The following ST8SIA4 variants were observed in gnomAD, a reference collection of about 807,000 sequenced individuals.
ST8SIA4 encodes ST8 alpha-N-acetyl-neuraminide alpha-2,8-sialyltransferase 4.
A neutral mutation model predicts 33.9 loss-of-function variants in ST8SIA4; 15 were observed. That is an observed-to-expected ratio of 0.44 (90% CI 0.30 to 0.68). ST8SIA4 has a LOEUF of 0.68. Ranked by LOEUF, ST8SIA4 falls within the 30% of genes least tolerant of loss-of-function variation. The pLI is 0.10. For synonymous variants in ST8SIA4, 171 were observed against 151.2 expected, an observed-to-expected ratio of 1.13 and a Z score of -0.96; for missense variants, 321 against 428.0, an observed-to-expected ratio of 0.75 and a Z score of 2.21.
intron 4 of ST8SIA4, among the ~76,000 whole-genome samples, chr5:100,820,252 A>G (rs1751009978): frequency 6.6e-6 from 1 of 152,160 alleles, no homozygotes; most frequent in African/African-American, 2.4e-5. Context: ...CAGTAGTCTA[A>G]TCTTTACATC....
chr5:100,857,915 T>C (rs1014308986), intron 3 of ST8SIA4, among the ~76,000 whole-genome samples: 1 of 152,104 alleles, frequency 6.6e-6, no homozygotes, highest in Admixed American at 6.6e-5. Flanking sequence ...TTGGGTATCT[T>C]TAATTACATC....
intron 3 of ST8SIA4, among the ~76,000 whole-genome samples, chr5:100,883,553 T>A (rs545005981): frequency 6.6e-6 from 1 of 152,236 alleles, no homozygotes; most frequent in South Asian, 2.1e-4. Context: ...GACATGATAT[T>A]TGGAGGGGCC....
chr5:100,844,181 G>A (rs1043985811), intron 4 of ST8SIA4, among the ~76,000 whole-genome samples: 5 of 151,930 alleles, frequency 3.3e-5, no homozygotes, highest in African/African-American at 7.2e-5. Context: ...ATGCTCCACA[G>A]GTGACAGCCC....
intron 1 of ST8SIA4, 57 bp downstream of exon 1, chr5:100,902,786 A>C: frequency 1.4e-6 from 2 of 1,433,632 alleles, no homozygotes; most frequent in Non-Finnish European, 2.0e-6. Flanking sequence ...CTCTATATTC[A>C]CATTTCATTT....
chr5:100,856,399 G>A lies in ST8SIA4; in HGVS notation c.504-3C>T, dbSNP rs200389307. 6.5e-5 allele frequency: 103 copies of A among 1,595,204 alleles called. No individual in the cohort carries two copies. In the Admixed American group the frequency reaches 1.8e-3, roughly 28 times the overall value. On this transcript the variant is annotated splice_polypyrimidine_tract_variant and splice_region_variant and intron_variant, in intron 3 of 4. Transcript: ENST00000231461. Reference sequence around the variant, plus strand: ...CCACCACAGGAGCTAGATTACACCTGAAGAGGAAAAAATTAATGGGACAAA... The same window carrying A: ...CCACCACAGGAGCTAGATTACACCTAAAGAGGAAAAAATTAATGGGACAAA...
At chr5:100,816,571 T>C (rs1246015352) in intron 4 of ST8SIA4, 1 of 506,684 alleles carries the variant, frequency 2.0e-6, no homozygotes, top group African/African-American at 2.0e-5. Context: ...CTAATAATGA[T>C]AGTTTTTTCT....
intron 4 of ST8SIA4, among the ~76,000 whole-genome samples, chr5:100,835,724 A>G (rs942706733): frequency 5.9e-5 from 9 of 152,200 alleles, no homozygotes; most frequent in Non-Finnish European, 8.8e-5. Context: ...ATTAATGTAC[A>G]GCTATTTCAA....
At chr5:100,855,997 A>T in intron 4 of ST8SIA4, 106 bp downstream of exon 4, 1 of 1,002,694 alleles carries the variant, frequency 1.0e-6, no homozygotes, top group Non-Finnish European at 1.5e-6. Context: ...ACGGAAACAT[A>T]TATCCATTTG....
chr5:100,836,372 C>T (rs1751361745), intron 4 of ST8SIA4, among the ~76,000 whole-genome samples: 1 of 151,926 alleles, frequency 6.6e-6, no homozygotes, highest in African/African-American at 2.4e-5. Flanking sequence ...CTAAAGACCA[C>T]GTTGAGCTGG....
intron 4 of ST8SIA4, among the ~76,000 whole-genome samples, chr5:100,815,440 CCTTCCCTCCTTT>C (rs1750895643): frequency 6.6e-6 from 1 of 151,428 alleles, no homozygotes; most frequent in Non-Finnish European, 1.5e-5. Flanking sequence ...TTCCTTCCTT[CCTTCCCTCCTTT>C]CTTCCTTCTT....
chr5:100,822,022 G>T (rs1751042089), intron 4 of ST8SIA4, among the ~76,000 whole-genome samples: 1 of 152,112 alleles, frequency 6.6e-6, no homozygotes, highest in Non-Finnish European at 1.5e-5. Context: ...GCAGGCTTTG[G>T]GTTTTGAATT....
chr5:100,896,871 A>C (rs3776176), intron 1 of ST8SIA4, among the ~76,000 whole-genome samples: 63,385 of 151,920 alleles, frequency 0.42, 13,851 homozygotes, highest in African/African-American at 0.54. Context: ...ATAGAAGGGG[A>C]TTCTGTTTTG....
chr5:100,885,325 T>G, intron 3 of ST8SIA4: 6 of 939,932 alleles, frequency 6.4e-6, no homozygotes, highest in Non-Finnish European at 7.6e-6. Context: ...GTAAAATGTT[T>G]GCAGTTTTAT....
At chr5:100,864,918 A>G (rs953021325) in intron 3 of ST8SIA4, among the ~76,000 whole-genome samples, 2 of 152,146 alleles carry the variant, frequency 1.3e-5, no homozygotes, top group East Asian at 1.9e-4. Context: ...AGTGAAGTCT[A>G]TTTCCTTTGT....
chr5:100,853,330 T>C (rs1240608840), intron 4 of ST8SIA4, among the ~76,000 whole-genome samples: 1 of 152,214 alleles, frequency 6.6e-6, no homozygotes, highest in Non-Finnish European at 1.5e-5. Flanking sequence ...ACGTACACCA[T>C]GTGTACAAAT....
chr5:100,900,278 G>A (rs1274961811), intron 1 of ST8SIA4: 3 of 373,654 alleles, frequency 8.0e-6, no homozygotes, highest in Non-Finnish European at 1.6e-5. Context: ...CACAAGGCTC[G>A]CAGTGCCCCC....
intron 4 of ST8SIA4, among the ~76,000 whole-genome samples, chr5:100,831,085 T>G (rs747981320): frequency 1.1e-4 from 16 of 152,244 alleles, no homozygotes; most frequent in Non-Finnish European, 8.8e-5. Context: ...GAAATTGAAA[T>G]AGCTAGCTTG....
In ST8SIA4 at chr5:100,807,311, A is replaced by C. The variant is rs1338451211; in HGVS notation, c.*4536T>G. 6.6e-6 allele frequency: 1 copy of C among 152,618 alleles called. No individual in the cohort carries two copies. The highest frequency in any genetic ancestry group is 1.5e-5 in the Non-Finnish European group (1 of 67,988). 9.5% of individuals were successfully genotyped at this position (152,618 alleles called of 1,614,324 possible). A position where few individuals can be genotyped will look rare whatever the true frequency, so the allele number is the denominator to read the frequency against. On this transcript the variant is annotated 3_prime_UTR_variant, in exon 5 of 5. Transcript: ENST00000231461. ...ACAGTGTTGAACAGAATGAACTTGA[A>C]CTTGACAGAATAAACCTCATCTTTC...
At chr5:100,895,934 G>T in intron 1 of ST8SIA4, 149 bp from the exon 2 acceptor site, 1 of 713,370 alleles carries the variant, frequency 1.4e-6, no homozygotes, top group Non-Finnish European at 2.2e-6. Flanking sequence ...ATGATGAAAG[G>T]TGTTATGAGG....
Sources: gnomAD v4.1 joint callset for allele counts (sites outside exome capture counted in the v4.1 genomes callset) on GRCh38, gnomAD v4.1.1 for gene constraint, MANE v1.5 for transcripts, NCBI Gene and HGNC (gene_info 2026-07-23, HGNC 2026-07-21) for gene names.